ZNF732: variants seen among roughly 807,000 people sequenced by gnomAD.
ZNF732 encodes the protein zinc finger protein LOC654254.
A neutral mutation model predicts 11.5 loss-of-function variants in ZNF732; 12 were observed. The observed-to-expected ratio is 1.05, with a 90% CI of 0.67 to 1.70. The LOEUF is 1.70. Among genes scored for constraint, ZNF732 ranks in the 40% most tolerant of loss-of-function variants. ZNF732 has a pLI of 0.00. For missense variants in ZNF732, 702 were observed against 676.9 expected (o/e 1.04, Z -0.41); for synonymous variants, 231 against 236.5 (o/e 0.98, Z 0.21).
At position 270,744 on chromosome 4, in the gene ZNF732, T is replaced by A. The variant is rs1553837006; in HGVS notation, c.*355A>T. ...TTATGGGTGAGGACCGTTTATAGGC[T>A]TTCCCACATTCTTTACATTTGTAGG... On this transcript the variant is annotated 3_prime_UTR_variant, in exon 4 of 4. Transcript: ENST00000419098. 19 of 456,006 alleles carry A rather than the reference T, an allele frequency of 4.2e-5. No individual in the cohort carries two copies. 28.2% of individuals were successfully genotyped at this position (456,006 alleles called of 1,614,324 possible).
chr4:275,589 T>A, intron 3 of ZNF732, among the ~76,000 whole-genome samples: 1 of 151,678 alleles, frequency 6.6e-6, no homozygotes, highest in East Asian at 1.9e-4. Flanking sequence ...AAATATAAAC[T>A]CTCACACATG....
At position 271,323 on chromosome 4, in the gene ZNF732, C is replaced by G; in HGVS notation, c.1534G>C (p.Gly512Arg). 2 of 1,599,718 alleles carry G rather than the reference C, an allele frequency of 1.3e-6. No homozygotes were observed. The highest frequency in any genetic ancestry group is 1.7e-6 in the Non-Finnish European group (2 of 1,172,810). The change falls in exon 4 of 4, where the codon GGA (glycine) becomes CGA (arginine). Residue 512 changes from glycine to arginine, a missense_variant. By Grantham distance (125) the Gly-to-Arg change is moderately radical (BLOSUM62 -2). Transcript: ENST00000419098. ...TGTTTACTCAGGTATGTGGACCATC[C>G]AAAGGCTTTGCCACACTCTTCACAT... ...YECEECGKAFGWSTYLSKHKK... is the reference protein window; with the variant it reads ...YECEECGKAFRWSTYLSKHKK...
intron 3 of ZNF732, among the ~76,000 whole-genome samples, chr4:282,612 A>T (rs1719640310): frequency 1.3e-5 from 2 of 152,136 alleles, no homozygotes; most frequent in Admixed American, 1.3e-4. Context: ...GATATGGGAA[A>T]AGTGTTTGAT....
chr4:297,672 T>C (rs1430208203), intron 1 of ZNF732, among the ~76,000 whole-genome samples: 2 of 150,514 alleles, frequency 1.3e-5, no homozygotes, highest in Admixed American at 1.3e-4. Context: ...GAGATGTCTC[T>C]AGAAACACTG....
At chr4:283,863 C>G (rs1719667229) in intron 3 of ZNF732, among the ~76,000 whole-genome samples, 1 of 152,140 alleles carries the variant, frequency 6.6e-6, no homozygotes, top group East Asian at 1.9e-4. Context: ...CAAAGACAAA[C>G]AAGTCTTTTC....
At chr4:295,941 C>T (rs1324150229) in intron 2 of ZNF732, 88 bp downstream of exon 2, 2 of 1,476,772 alleles carry the variant, frequency 1.4e-6, no homozygotes, top group African/African-American at 2.9e-5. Flanking sequence ...TCACACAAAG[C>T]AGAAGGTTCC....
chr4:273,211 CT>C (rs1307940491), intron 3 of ZNF732, among the ~76,000 whole-genome samples: 1 of 151,936 alleles, frequency 6.6e-6, no homozygotes, highest in African/African-American at 2.4e-5. Context: ...TGAACAAACC[CT>C]TTTAACTAAA....
chr4:292,946 T>TA (rs1553841567), intron 3 of ZNF732, among the ~76,000 whole-genome samples: 1 of 138,862 alleles, frequency 7.2e-6, no homozygotes, highest in East Asian at 2.1e-4. Context: ...TAGGTACCTG[T>TA]AGTCCCAGCT....
At chr4:277,348 C>T (rs1276107968) in intron 3 of ZNF732, among the ~76,000 whole-genome samples, 8 of 151,976 alleles carry the variant, frequency 5.3e-5, no homozygotes, top group South Asian at 4.1e-4. Flanking sequence ...AAAGTGAAGA[C>T]GTAATCTACA....
intron 3 of ZNF732, among the ~76,000 whole-genome samples, chr4:277,594 TAGAA>T (rs1345153885): frequency 2.0e-5 from 3 of 149,462 alleles, no homozygotes; most frequent in African/African-American, 7.6e-5. Context: ...TGACTGTAAT[TAGAA>T]AGACAAAAAA....
chr4:272,050 C>G lies in ZNF732; in HGVS notation c.807G>C (p.Lys269Asn), dbSNP rs1227699265. 6.2e-7 allele frequency: 1 copy of G among 1,610,802 alleles called. No homozygotes were observed. Among genetic ancestry groups the G allele is most frequent in the Non-Finnish European group, 8.5e-7 (1 of 1,178,398 alleles). Residue 269 changes from lysine to asparagine, a missense_variant, in exon 4 of 4, where the codon AAG (lysine) becomes AAC (asparagine). Physicochemically the swap from Lys to Asn is moderately conservative, Grantham distance 94. Coordinates refer to ENST00000419098, the MANE Select transcript of ZNF732 (RefSeq NM_001137608.3). The part of the protein sequence containing the change: ...FNRSSTLTKH[K>N]RIHAEEKPFT... ...AGGGTTTCTCTTCAGCATGAATTCTCTTATGCTTAGTAAGGGTTGAGGACC... is the reference window on the plus strand; with the variant it reads ...AGGGTTTCTCTTCAGCATGAATTCTGTTATGCTTAGTAAGGGTTGAGGACC...
chr4:297,607 TAAAAAAA>T (rs57681246), intron 1 of ZNF732, among the ~76,000 whole-genome samples: 2 of 101,016 alleles, frequency 2.0e-5, no homozygotes, highest in Non-Finnish European at 4.0e-5. Context: ...TTAAGATTTG[TAAAAAAA>T]AAAAAAAAAA....
intron 3 of ZNF732, among the ~76,000 whole-genome samples, chr4:292,035 A>C (rs1719850165): frequency 6.6e-6 from 1 of 152,176 alleles, no homozygotes; most frequent in Admixed American, 6.5e-5. Context: ...AAAGTAGATC[A>C]TTTTCTTACA....
At chr4:305,258 G>C in intron 1 of ZNF732, 50 bp downstream of exon 1, 3 of 1,587,058 alleles carry the variant, frequency 1.9e-6, no homozygotes, top group Non-Finnish European at 2.6e-6. Flanking sequence ...ATTTCCCGCC[G>C]GTTCGGATGA....
At chr4:304,315 G>A (rs1305564022) in intron 1 of ZNF732, among the ~76,000 whole-genome samples, 2 of 151,832 alleles carry the variant, frequency 1.3e-5, no homozygotes, top group Admixed American at 6.6e-5. Flanking sequence ...TTCTCTCCCC[G>A]GAAGGAGACC....
intron 1 of ZNF732, among the ~76,000 whole-genome samples, chr4:300,129 G>A (rs1720083803): frequency 6.6e-6 from 1 of 151,812 alleles, no homozygotes; most frequent in Non-Finnish European, 1.5e-5. Flanking sequence ...CATATAAGGT[G>A]TGGGTTATAG....
intron 3 of ZNF732, among the ~76,000 whole-genome samples, chr4:293,298 A>ATGTG (rs1190730981): frequency 1.4e-5 from 2 of 143,158 alleles, no homozygotes; most frequent in African/African-American, 5.3e-5. Flanking sequence ...ATATATATAT[A>ATGTG]TGTGTGTGTG....
At chr4:275,915 GTAGT>G (rs1339252618) in intron 3 of ZNF732, among the ~76,000 whole-genome samples, 2 of 151,488 alleles carry the variant, frequency 1.3e-5, no homozygotes, top group Admixed American at 6.6e-5. Flanking sequence ...GAAAAAGTAG[GTAGT>G]TATATTGAGT....
chr4:297,384 G>C (rs1209494056), intron 1 of ZNF732, among the ~76,000 whole-genome samples: 1 of 152,124 alleles, frequency 6.6e-6, no homozygotes, highest in Non-Finnish European at 1.5e-5. Context: ...CTCACATTAT[G>C]TGTAAATTCT....
Sources: allele counts gnomAD v4.1 joint callset (sites outside exome capture counted in the v4.1 genomes callset), GRCh38; gene constraint gnomAD v4.1.1; transcripts MANE v1.5; gene names NCBI Gene and HGNC (gene_info 2026-07-23, HGNC 2026-07-21).